Variants in NID2 observed in about 807,000 individuals in gnomAD.
The protein encoded by NID2 is nidogen-2.
In NID2, 83 loss-of-function variants were observed where a neutral mutation model predicts 145.4. The ratio of observed to expected loss-of-function variants is 0.57; its 90% CI spans 0.48 to 0.69. The LOEUF (loss-of-function observed/expected upper bound fraction) is 0.69. Ranked by LOEUF, NID2 falls within the 30% of genes least tolerant of loss-of-function variation. The pLI, the probability that NID2 is intolerant of heterozygous loss-of-function variation, is 0.00. For synonymous variants in NID2, 739 were observed against 701.3 expected (o/e 1.05, Z -0.85); for missense variants, 1,807 against 1,765.7 (o/e 1.02, Z -0.42).
chr14:52,040,790 G>T lies in NID2; in HGVS notation c.1887C>A (p.Ile629=), dbSNP rs760471345. 6.2e-6 allele frequency: 10 copies of T among 1,614,210 alleles called. No individual in the cohort carries two copies. Among genetic ancestry groups the T allele is most frequent in the Non-Finnish European group, 8.5e-6 (10 of 1,180,036 alleles). Residue 629 remains isoleucine (I), a synonymous_variant, in exon 8 of 22, where the codon ATC becomes ATA. Transcript: ENST00000216286. ...GGTCAAGTCCCTCAGCAGTTTGAGT[G>T]ATACGAACCGTCTCCTCTCCCGGGT... ...TFYPGEETVR[I]TQTAEGLDPE...
chr14:52,022,767 C>T (rs1891448358), intron 12 of NID2, among the ~76,000 whole-genome samples: 1 of 152,198 alleles, frequency 6.6e-6, no homozygotes, highest in South Asian at 2.1e-4. Flanking sequence ...TGCCCAAGTA[C>T]TGAGCAAAAC....
chr14:52,044,415 A>G (rs571818117), intron 5 of NID2, among the ~76,000 whole-genome samples: 8 of 151,216 alleles, frequency 5.3e-5, no homozygotes, highest in South Asian at 4.2e-4. Context: ...GACTACAGGC[A>G]CCCACCACCA....
rs199565950 is a variant in NID2, at chr14:52,060,379, AG to A, written c.535-24del. ...CAGCTGTGAGGAAAAAAAAAAAAAA[AG>A]AGAGAGAGAGAGAGAGAAACATCCT... On this transcript the variant is annotated intron_variant, in intron 2 of 21. Coordinates refer to ENST00000216286, the MANE Select transcript of NID2 (RefSeq NM_007361.4). 5,663 of 748,826 alleles carry A rather than the reference AG, an allele frequency of 7.6e-3. 25 individuals are homozygous for A. The highest frequency in any genetic ancestry group is 0.041 in the East Asian group (690 of 16,636). The allele number at this position is 748,826 out of a possible 1,614,324, so 46.4% of individuals were successfully genotyped here. A position where few individuals can be genotyped will look rare whatever the true frequency, so the allele number is the denominator to read the frequency against.
At chr14:52,006,421 C>G (rs1890784789) in intron 20 of NID2, 116 bp downstream of exon 20, 7 of 1,172,934 alleles carry the variant, frequency 6.0e-6, no homozygotes, top group Non-Finnish European at 8.5e-6. Context: ...GGTGATGAAA[C>G]AAAAGCCTCA....
chr14:52,065,513 T>TATTTATTTATTA (rs1893168045), intron 2 of NID2, among the ~76,000 whole-genome samples: 1 of 139,952 alleles, frequency 7.1e-6, no homozygotes, highest in Admixed American at 7.3e-5. Flanking sequence ...TTTATTTATT[T>TATTTATTTATTA]TTTATTATAC....
chr14:52,068,270 C>T (rs1893297980), intron 1 of NID2, 107 bp from the exon 2 acceptor site: 9 of 1,118,024 alleles, frequency 8.0e-6, no homozygotes, highest in Non-Finnish European at 1.2e-5. Context: ...CCTCTCTCTC[C>T]TTCCCCACTG....
At chr14:52,058,392 T>C (rs1892922006) in intron 3 of NID2, among the ~76,000 whole-genome samples, 2 of 152,240 alleles carry the variant, frequency 1.3e-5, no homozygotes, top group Admixed American at 1.3e-4. Context: ...TTATTCTGCA[T>C]TGCTTGTACT....
chr14:52,035,527 C>A (rs187940828), intron 9 of NID2, among the ~76,000 whole-genome samples: 2 of 152,122 alleles, frequency 1.3e-5, no homozygotes, highest in Non-Finnish European at 2.9e-5. Context: ...TACTTTGAGA[C>A]GGGGTCTTGT....
intron 18 of NID2, 74 bp from the exon 19 acceptor site, chr14:52,008,041 G>T: frequency 4.1e-6 from 5 of 1,221,602 alleles, no homozygotes; most frequent in Non-Finnish European, 5.8e-6. Context: ...GCAGCCCCCA[G>T]TGATCTCCAT....
chr14:52,061,304 C>A (rs1009815987), intron 2 of NID2, among the ~76,000 whole-genome samples: 1 of 152,196 alleles, frequency 6.6e-6, no homozygotes, highest in Admixed American at 6.5e-5. Context: ...TTATGGGCAT[C>A]TCTAGTGAGC....
chr14:52,049,335 TCTC>T (rs1341585710), intron 5 of NID2, among the ~76,000 whole-genome samples: 1 of 152,130 alleles, frequency 6.6e-6, no homozygotes, highest in Admixed American at 6.6e-5. Context: ...AATGGAAAAT[TCTC>T]CTCTGCACTT....
intron 9 of NID2, among the ~76,000 whole-genome samples, chr14:52,037,676 T>A (rs781741422): frequency 3.3e-5 from 5 of 152,212 alleles, no homozygotes; most frequent in Non-Finnish European, 4.4e-5. Flanking sequence ...CTTGCCAATT[T>A]CTTCAAAGAG....
chr14:52,035,136 A>G (rs1001362804), intron 9 of NID2, among the ~76,000 whole-genome samples: 2 of 152,180 alleles, frequency 1.3e-5, no homozygotes, highest in African/African-American at 4.8e-5. Context: ...TAATGCCCAT[A>G]GTCTGCAGTA....
intron 2 of NID2, among the ~76,000 whole-genome samples, chr14:52,063,445 C>A (rs375257776): frequency 2.5e-4 from 38 of 152,330 alleles, no homozygotes; most frequent in Admixed American, 6.5e-4. Context: ...CTCCCAGGTA[C>A]AGGACATCCC....
At chr14:52,034,138 G>A (rs1170985594) in intron 9 of NID2, among the ~76,000 whole-genome samples, 2 of 152,138 alleles carry the variant, frequency 1.3e-5, no homozygotes, top group African/African-American at 4.8e-5. Context: ...TGACTGGGGT[G>A]GGAGGGAAAA....
rs775859903 is a variant in NID2, at chr14:52,005,487, T to TA, written c.4126dup (p.Ter1376LeufsTer6). ...AAGTCTTCCTTTACATTACTGTACT[T>TA]ACTTTCTTCCTGTGAGAGAAGAGCA... On this transcript the variant is annotated frameshift_variant and stop_lost, in exon 22 of 22. Transcript: ENST00000216286. LOFTEE classifies it high-confidence loss of function. 2.5e-5 allele frequency: 40 copies of TA among 1,598,044 alleles called. 1 individual carries two copies. The highest frequency in any genetic ancestry group is 3.3e-5 in the Non-Finnish European group (39 of 1,173,972).
At position 52,069,038 on chromosome 14, in the gene NID2, C is replaced by A. The variant is rs1283935274; in HGVS notation, c.-44G>T. 1.3e-6 allele frequency: 2 copies of A among 1,494,164 alleles called. No individual in the cohort carries two copies. The highest frequency in any genetic ancestry group is 1.8e-6 in the Non-Finnish European group (2 of 1,093,518). The allele number at this position is 1,494,164 out of a possible 1,614,324, so 92.6% of individuals were successfully genotyped here. On this transcript the variant is annotated 5_prime_UTR_variant, in exon 1 of 22. Coordinates refer to ENST00000216286, the MANE Select transcript of NID2 (RefSeq NM_007361.4). ...TTACCCGCTGCACAACGCGTCCCGC[C>A]CCGGCCTCCAGCCCACTCTCCGCGC...
intron 2 of NID2, among the ~76,000 whole-genome samples, chr14:52,065,671 C>T (rs1893177092): frequency 1.1e-5 from 1 of 93,926 alleles, no homozygotes; most frequent in Non-Finnish European, 1.9e-5. Context: ...AACCCCACCA[C>T]AGTCCCCAGA....
At position 52,067,968 on chromosome 14, in the gene NID2, C is replaced by A. The variant is rs151087044; in HGVS notation, c.424G>T (p.Ala142Ser). The change falls in exon 2 of 22, where the codon GCT (alanine) becomes TCT (serine). Residue 142 changes from alanine to serine, a missense_variant. Ala to Ser is a moderately conservative substitution (Grantham distance 99). Transcript: ENST00000216286. ...AAGCGCGCAGAGCGCGGGAAGCCAG[C>A]GCGCACATAGCGGGCGGCCAGGCCC... The part of the protein sequence containing the change: ...VLGLAARYVR[A>S]GFPRSARFTP... 6.8e-6 allele frequency: 11 copies of A among 1,610,912 alleles called. No individual in the cohort carries two copies. The highest frequency in any genetic ancestry group is 5.4e-5 in the African/African-American group (4 of 74,684).
Sources: gnomAD v4.1 joint callset for allele counts (sites outside exome capture counted in the v4.1 genomes callset) on GRCh38, gnomAD v4.1.1 for gene constraint, MANE v1.5 for transcripts, NCBI Gene and HGNC (gene_info 2026-07-23, HGNC 2026-07-21) for gene names.